The following PEX7 variants were observed in gnomAD, a reference collection of about 807,000 sequenced individuals.
PEX7 encodes the protein peroxisomal biogenesis factor 7.
Under a neutral mutation model 47.5 loss-of-function variants are expected in PEX7, and 34 were observed. The observed-to-expected ratio is 0.72, with a 90% CI of 0.54 to 0.95. PEX7 has a LOEUF of 0.95. Ranked by LOEUF, PEX7 falls within the 40% of genes least tolerant of loss-of-function variation. PEX7 has a pLI of 0.00. For synonymous variants in PEX7, 141 were observed against 148.8 expected, an observed-to-expected ratio of 0.95 and a Z score of 0.38; for missense variants, 394 against 400.3, an observed-to-expected ratio of 0.98 and a Z score of 0.13.
intron 5 of PEX7, among the ~76,000 whole-genome samples, chr6:136,860,598 C>T (rs558977617): frequency 1.2e-3 from 175 of 150,506 alleles, no homozygotes; most frequent in African/African-American, 3.5e-3. Flanking sequence ...AGCACACCAA[C>T]ATGGCACATG....
intron 3 of PEX7, among the ~76,000 whole-genome samples, 190 bp downstream of exon 3, chr6:136,826,659 G>A (rs1040074270): frequency 2.0e-5 from 3 of 151,614 alleles, no homozygotes; most frequent in African/African-American, 7.3e-5. Context: ...AAGGAGTGGG[G>A]AAAGAAAAGA....
chr6:136,908,315 T>A (rs961900325), intron 9 of PEX7, among the ~76,000 whole-genome samples: 3 of 152,134 alleles, frequency 2.0e-5, no homozygotes, highest in Non-Finnish European at 2.9e-5. Context: ...ATAGAACTTA[T>A]ATGGCATCTT....
At chr6:136,864,238 C>G (rs1437891777) in intron 5 of PEX7, among the ~76,000 whole-genome samples, 1 of 85,062 alleles carries the variant, frequency 1.2e-5, no homozygotes, top group Non-Finnish European at 2.5e-5. Flanking sequence ...ATTGGAAGCA[C>G]TCAAATATTA....
chr6:136,830,860 T>C (rs1774280156), intron 3 of PEX7, among the ~76,000 whole-genome samples: 1 of 152,098 alleles, frequency 6.6e-6, no homozygotes, highest in African/African-American at 2.4e-5. Flanking sequence ...GGTTTATCAA[T>C]TTGCTGAATT....
chr6:136,870,118 T>A, intron 7 of PEX7, 115 bp downstream of exon 7: 2 of 656,786 alleles, frequency 3.0e-6, no homozygotes, highest in Admixed American at 3.2e-5. Flanking sequence ...TTCTTTTTTA[T>A]ATGTGTTTTT....
At chr6:136,890,514 G>T (rs9389448) in intron 8 of PEX7, among the ~76,000 whole-genome samples, 66,136 of 151,602 alleles carry the variant, frequency 0.44, 14,810 homozygotes, top group South Asian at 0.55. Context: ...AGAATTATTT[G>T]GTCTGCTCTG....
At chr6:136,905,113 T>C (rs1474884284) in intron 9 of PEX7, among the ~76,000 whole-genome samples, 3 of 152,234 alleles carry the variant, frequency 2.0e-5, no homozygotes, top group African/African-American at 7.2e-5. Flanking sequence ...ATCTGGACGT[T>C]TGACCTTATG....
At chr6:136,857,987 T>A (rs1459695181) in intron 5 of PEX7, among the ~76,000 whole-genome samples, 1 of 152,176 alleles carries the variant, frequency 6.6e-6, no homozygotes, top group Admixed American at 6.5e-5. Context: ...AGCTAATTTT[T>A]GTATTTTTGG....
chr6:136,833,433 C>T (rs975719763), intron 3 of PEX7, among the ~76,000 whole-genome samples: 8 of 152,198 alleles, frequency 5.3e-5, no homozygotes, highest in Non-Finnish European at 1.5e-5. Context: ...GACAACCAGT[C>T]CTGCATTTAA....
chr6:136,906,748 C>T (rs781299530), intron 9 of PEX7, among the ~76,000 whole-genome samples: 5 of 152,102 alleles, frequency 3.3e-5, no homozygotes, highest in African/African-American at 7.2e-5. Context: ...TTTTGAAATT[C>T]CTGGACAATC....
chr6:136,831,511 A>G (rs773534039), intron 3 of PEX7, among the ~76,000 whole-genome samples: 12 of 152,180 alleles, frequency 7.9e-5, no homozygotes, highest in Non-Finnish European at 1.6e-4. Context: ...TTCAAAACCA[A>G]TCATGACTTT....
chr6:136,875,534 A>G (rs1381662545), intron 8 of PEX7, among the ~76,000 whole-genome samples: 8 of 152,190 alleles, frequency 5.3e-5, no homozygotes, highest in Non-Finnish European at 8.8e-5. Context: ...ATTCTGTTCT[A>G]TGGAACATAT....
intron 3 of PEX7, chr6:136,830,151 A>G: frequency 3.0e-6 from 2 of 661,656 alleles, no homozygotes; most frequent in Non-Finnish European, 5.4e-6. Context: ...ACCTGTTGTG[A>G]GACCTTGCGT....
chr6:136,856,774 T>C (rs1774869294), intron 5 of PEX7, among the ~76,000 whole-genome samples: 1 of 151,448 alleles, frequency 6.6e-6, no homozygotes, highest in African/African-American at 2.4e-5. Context: ...GTGGATGGAG[T>C]CGAAGGGGCC....
Position 136,861,219 on chromosome 6 carries a change from G to C in PEX7, c.527-5408G>C, listed in dbSNP as rs913264744. On this transcript the variant is annotated intron_variant, in intron 5 of 9. Coordinates refer to ENST00000318471, the MANE Select transcript of PEX7 (RefSeq NM_000288.4). ...CCCACCTCAGCCTCCTGAGTAGCTG[G>C]GACTACAGGTGCATGCTACCAAGCC... 3.4e-4 allele frequency among the ~76,000 whole-genome samples: 51 copies of C among 152,108 alleles called. 1 individual carries two copies. The highest frequency in any genetic ancestry group is 1.2e-3 in the African/African-American group (51 of 41,478).
rs1039158747 is a variant in PEX7 at position 136,880,439 on chromosome 6, C to T, written c.803+8186C>T. ...CTTTCTCATGATGGTTTTAGGTCAG[C>T]GTTAGACCTAGTCCTAGCTCCTGCC... On this transcript the variant is annotated intron_variant, in intron 8 of 9. Coordinates refer to ENST00000318471, the MANE Select transcript of PEX7 (RefSeq NM_000288.4). Among the ~76,000 whole-genome samples, 26 of 152,286 alleles carry T rather than the reference C, an allele frequency of 1.7e-4. 1 individual carries two copies. The highest frequency in any genetic ancestry group is 5.8e-4 in the African/African-American group (24 of 41,560).
intron 1 of PEX7, chr6:136,823,448 C>G (rs766403636): frequency 1.4e-6 from 1 of 712,798 alleles, no homozygotes; most frequent in South Asian, 6.3e-5. Context: ...GTTAAAGCTG[C>G]TCAGGAGGCT....
intron 3 of PEX7, among the ~76,000 whole-genome samples, chr6:136,831,978 C>G (rs745432167): frequency 2.6e-5 from 4 of 152,222 alleles, no homozygotes; most frequent in African/African-American, 9.6e-5. Context: ...GACAGTGGCT[C>G]TCTCCTCACA....
At chr6:136,903,105 G>A (rs1775780332) in intron 9 of PEX7, among the ~76,000 whole-genome samples, 2 of 152,036 alleles carry the variant, frequency 1.3e-5, no homozygotes, top group South Asian at 2.1e-4. Context: ...TAATTGAAAT[G>A]TAAATTTATA....
Sources: allele counts gnomAD v4.1 joint callset (sites outside exome capture counted in the v4.1 genomes callset), GRCh38; gene constraint gnomAD v4.1.1; transcripts MANE v1.5; gene names NCBI Gene and HGNC (gene_info 2026-07-23, HGNC 2026-07-21).